Variants in GRB10 observed in about 807,000 individuals in gnomAD.
The protein encoded by GRB10 is growth factor receptor-bound protein 10.
In GRB10, 20 loss-of-function variants were observed where a neutral mutation model predicts 80.9. That is an observed-to-expected ratio of 0.25 (90% confidence interval 0.17 to 0.36). The LOEUF is 0.36. Among genes scored for constraint, GRB10 ranks in the 10% least tolerant of loss-of-function variants. The probability of loss-of-function intolerance (pLI) is 1.00; values close to 1 mark genes in which losing one functional copy is unlikely to be tolerated. For missense variants in GRB10, 548 were observed against 747.7 expected, an observed-to-expected ratio of 0.73 and a Z score of 3.12; for synonymous variants, 291 against 291.5, an observed-to-expected ratio of 1.00 and a Z score of 0.02.
At chr7:50,690,491 C>A (rs942240513) in intron 5 of GRB10, among the ~76,000 whole-genome samples, 22 of 152,162 alleles carry the variant, frequency 1.4e-4, no homozygotes, top group African/African-American at 5.3e-4. Flanking sequence ...AGAATTATTT[C>A]TTTCTAAGTT....
Position 50,626,984 on chromosome 7 carries a change from A to G in GRB10, c.505-6T>C, listed in dbSNP as rs749956604. The G allele has an allele frequency of 5.0e-6, 8 of 1,613,962 alleles. No homozygotes were observed. The highest frequency in any genetic ancestry group is 6.8e-6 in the Non-Finnish European group (8 of 1,179,926). ...TCACTAAAGACTTTAACATCCTGCA[A>G]CACACAAAGGGGATAGTTACAGATA... On this transcript the variant is annotated splice_region_variant and splice_polypyrimidine_tract_variant and intron_variant, in intron 7 of 18. Coordinates refer to ENST00000401949, the MANE Select transcript of GRB10 (RefSeq NM_001350814.2).
intron 5 of GRB10, among the ~76,000 whole-genome samples, chr7:50,679,945 G>C (rs1159875943): frequency 6.6e-6 from 1 of 152,198 alleles, no homozygotes; most frequent in Non-Finnish European, 1.5e-5. Context: ...ACAGCTTTCT[G>C]AACAACAATT....
chr7:50,631,020 G>A (rs1419806294), intron 7 of GRB10, among the ~76,000 whole-genome samples: 4 of 152,028 alleles, frequency 2.6e-5, no homozygotes, highest in East Asian at 1.9e-4. Context: ...ATATCTCCAC[G>A]GCCCCAAACT....
chr7:50,648,022 C>T (rs1461981229), intron 7 of GRB10, among the ~76,000 whole-genome samples: 1 of 152,100 alleles, frequency 6.6e-6, no homozygotes, highest in Non-Finnish European at 1.5e-5. Flanking sequence ...ATGTTGGCAG[C>T]TGGAAACAGG....
intron 3 of GRB10, among the ~76,000 whole-genome samples, chr7:50,735,757 G>A (rs2153694296): frequency 6.6e-6 from 1 of 152,216 alleles, no homozygotes; most frequent in East Asian, 1.9e-4. Context: ...CATTAAAGAT[G>A]CACTAATACA....
intron 7 of GRB10, among the ~76,000 whole-genome samples, chr7:50,634,119 A>C (rs750578919): frequency 4.3e-4 from 66 of 152,342 alleles, no homozygotes; most frequent in Non-Finnish European, 8.4e-4. Context: ...TGAAAGAACA[A>C]ATTTCAAAAG....
chr7:50,720,393 C>T (rs2067525183), intron 4 of GRB10, among the ~76,000 whole-genome samples: 1 of 152,102 alleles, frequency 6.6e-6, no homozygotes, highest in African/African-American at 2.4e-5. Context: ...GTATTGACTG[C>T]ATGATGAAAA....
chr7:50,742,264 C>CGT (rs1563675483), intron 3 of GRB10, among the ~76,000 whole-genome samples: 1 of 26,616 alleles, frequency 3.8e-5, no homozygotes, highest in Non-Finnish European at 2.2e-4. Context: ...CACGCGCACG[C>CGT]GCGCGCGCAC....
chr7:50,655,394 C>T (rs1408428607), intron 7 of GRB10, among the ~76,000 whole-genome samples: 1 of 152,130 alleles, frequency 6.6e-6, no homozygotes, highest in Non-Finnish European at 1.5e-5. Flanking sequence ...AGCCCTGGCT[C>T]CTTTTATTGG....
intron 6 of GRB10, among the ~76,000 whole-genome samples, chr7:50,671,132 C>T (rs997935358): frequency 2.0e-5 from 3 of 152,224 alleles, no homozygotes; most frequent in Non-Finnish European, 4.4e-5. Context: ...CACTCCTGGA[C>T]ACACAGCCTC....
chr7:50,682,779 A>C (rs2061687388), intron 5 of GRB10, among the ~76,000 whole-genome samples: 1 of 152,180 alleles, frequency 6.6e-6, no homozygotes, highest in Non-Finnish European at 1.5e-5. Context: ...TTAATTAGTA[A>C]CTGTCAGCAT....
At chr7:50,637,127 G>C (rs1048846382) in intron 7 of GRB10, among the ~76,000 whole-genome samples, 3 of 152,066 alleles carry the variant, frequency 2.0e-5, no homozygotes, top group African/African-American at 7.2e-5. Context: ...ACAGGCATGT[G>C]CCATCACACC....
chr7:50,718,654 A>G (rs1424691420), intron 4 of GRB10, among the ~76,000 whole-genome samples: 2 of 152,178 alleles, frequency 1.3e-5, no homozygotes, highest in African/African-American at 2.4e-5. Context: ...TTTACTCCAA[A>G]GTAATTTGTA....
At chr7:50,671,891 C>G (rs2244347) in intron 6 of GRB10, among the ~76,000 whole-genome samples, 99,410 of 152,160 alleles carry the variant, frequency 0.65, 32,791 homozygotes, top group African/African-American at 0.72. Context: ...AAATCCCCAC[C>G]AAAGAGGCTC....
intron 13 of GRB10, chr7:50,606,828 C>T (rs1029675862): frequency 9.2e-5 from 22 of 237,996 alleles, no homozygotes; most frequent in African/African-American, 5.0e-4. Flanking sequence ...TGTAAGTCTA[C>T]ATGTTGACAC....
At chr7:50,601,820 C>G (rs1393944074) in intron 17 of GRB10, among the ~76,000 whole-genome samples, 2 of 152,174 alleles carry the variant, frequency 1.3e-5, no homozygotes, top group Admixed American at 6.5e-5. Context: ...AGATTGTAGT[C>G]TCCAAATACC....
chr7:50,663,949 C>T (rs192579476), intron 7 of GRB10, among the ~76,000 whole-genome samples: 1 of 152,346 alleles, frequency 6.6e-6, no homozygotes, highest in East Asian at 1.9e-4. Flanking sequence ...CTTACAGACA[C>T]TGAAATGTGC....
intron 5 of GRB10, among the ~76,000 whole-genome samples, chr7:50,693,731 G>C (rs1313709667): frequency 1.3e-5 from 2 of 152,136 alleles, no homozygotes; most frequent in Non-Finnish European, 2.9e-5. Context: ...TGATGAATGT[G>C]TGTGCTTTGC....
At chr7:50,753,166 C>G (rs2153702097) in intron 3 of GRB10, among the ~76,000 whole-genome samples, 1 of 152,300 alleles carries the variant, frequency 6.6e-6, no homozygotes, top group East Asian at 1.9e-4. Context: ...ACATCCAGGC[C>G]TGGGTGCCCT....
Sources: gnomAD v4.1 joint callset for allele counts (sites outside exome capture counted in the v4.1 genomes callset) on GRCh38, gnomAD v4.1.1 for gene constraint, MANE v1.5 for transcripts, NCBI Gene and HGNC (gene_info 2026-07-23, HGNC 2026-07-21) for gene names.